The following YAP1 variants were observed in gnomAD, a reference collection of about 807,000 sequenced individuals.
The protein encoded by YAP1 is Yes1 associated transcriptional regulator.
A neutral mutation model predicts 56.9 loss-of-function variants in YAP1; 5 were observed. That is an observed-to-expected ratio of 0.09 (90% CI 0.05 to 0.18). The LOEUF (loss-of-function observed/expected upper bound fraction) is 0.18, where lower values mean the gene tolerates loss of function less well. Ranked by LOEUF, YAP1 falls within the 10% of genes least tolerant of loss-of-function variation. YAP1 has a pLI of 1.00. For missense variants in YAP1, 539 were observed against 651.8 expected (o/e 0.83, Z 1.88); for synonymous variants, 265 against 248.1 (o/e 1.07, Z -0.64).
At chr11:102,112,396 C>G in intron 1 of YAP1, 1 of 970,516 alleles carries the variant, frequency 1.0e-6, no homozygotes, top group Non-Finnish European at 1.2e-6. Context: ...GTAGGGTTCT[C>G]TCTTTTTCTT....
intron 3 of YAP1, among the ~76,000 whole-genome samples, chr11:102,180,091 C>T (rs1231382950): frequency 1.3e-5 from 2 of 148,784 alleles, no homozygotes; most frequent in African/African-American, 5.0e-5. Flanking sequence ...CTCACTGCAA[C>T]CTCCAACTCC....
intron 2 of YAP1, among the ~76,000 whole-genome samples, chr11:102,150,373 C>T (rs1945568192): frequency 6.6e-6 from 1 of 152,178 alleles, no homozygotes; most frequent in Admixed American, 6.5e-5. Flanking sequence ...ATGTTTTGAT[C>T]TTTGGCCAAG....
chr11:102,188,920 AT>A (rs76406964), intron 4 of YAP1, among the ~76,000 whole-genome samples: 3 of 152,052 alleles, frequency 2.0e-5, no homozygotes, highest in African/African-American at 7.2e-5. Context: ...TTTTTTAATG[AT>A]TTTTTTCTTT....
At chr11:102,223,833 A>C (rs1393891376) in intron 7 of YAP1, 81 bp downstream of exon 7, 1 of 1,550,274 alleles carries the variant, frequency 6.5e-7, no homozygotes, top group African/African-American at 1.4e-5. Context: ...GTAATAGGCT[A>C]TTTGGAACAT....
Position 102,229,706 on chromosome 11 carries a change from T to C in YAP1, c.1281T>C (p.Asp427=). ...ATCTCTGTGTGTTTCCACTAGGTGA[T>C]ACTATCAACCAAAGCACCCTGCCCT... ...LNSVDEMDTG[D]TINQSTLPSQ... Residue 427 remains aspartate (D), a synonymous_variant, in exon 9 of 9, where the codon GAT becomes GAC. Coordinates refer to ENST00000282441, the MANE Select transcript of YAP1 (RefSeq NM_001130145.3). The C allele has an allele frequency of 6.2e-7, 1 of 1,613,892 alleles. No homozygotes were observed. The highest frequency in any genetic ancestry group is 8.5e-7 in the Non-Finnish European group (1 of 1,179,820).
intron 7 of YAP1, among the ~76,000 whole-genome samples, chr11:102,226,309 T>C (rs772686648): frequency 5.9e-5 from 9 of 152,232 alleles, no homozygotes; most frequent in Non-Finnish European, 7.3e-5. Flanking sequence ...AAACCAGTGA[T>C]GGCAGTATAT....
intron 4 of YAP1, among the ~76,000 whole-genome samples, chr11:102,204,692 A>G (rs1280204168): frequency 6.6e-6 from 1 of 152,246 alleles, no homozygotes; most frequent in Non-Finnish European, 1.5e-5. Context: ...CCATTAAGTT[A>G]TAAGAGCTGT....
At chr11:102,142,846 T>A (rs1945097979) in intron 2 of YAP1, among the ~76,000 whole-genome samples, 1 of 152,240 alleles carries the variant, frequency 6.6e-6, no homozygotes, top group Admixed American at 6.5e-5. Context: ...CAAACTTTTT[T>A]AGTAATTGAT....
At chr11:102,224,590 A>G (rs772094928) in intron 7 of YAP1, among the ~76,000 whole-genome samples, 6 of 152,206 alleles carry the variant, frequency 3.9e-5, no homozygotes, top group African/African-American at 9.6e-5. Context: ...GTTCTCACCA[A>G]TTGAATTGGA....
At chr11:102,178,644 C>T (rs1219196612) in intron 3 of YAP1, among the ~76,000 whole-genome samples, 1 of 152,096 alleles carries the variant, frequency 6.6e-6, no homozygotes, top group Non-Finnish European at 1.5e-5. Context: ...CATAAAAACT[C>T]GCTTCCCTCA....
intron 4 of YAP1, among the ~76,000 whole-genome samples, chr11:102,188,694 T>G (rs1022884963): frequency 6.6e-6 from 1 of 152,212 alleles, no homozygotes; most frequent in Middle Eastern, 3.2e-3. Context: ...CCTTACAGCC[T>G]AGGCATGTAG....
At chr11:102,165,484 GAC>G (rs537992886) in intron 3 of YAP1, among the ~76,000 whole-genome samples, 4 of 152,114 alleles carry the variant, frequency 2.6e-5, no homozygotes, top group South Asian at 2.1e-4. Context: ...AGGTGACTTT[GAC>G]ACAGTTTCAG....
intron 6 of YAP1, among the ~76,000 whole-genome samples, chr11:102,220,034 A>G (rs965007074): frequency 6.9e-6 from 1 of 144,884 alleles, no homozygotes; most frequent in Non-Finnish European, 1.5e-5. Context: ...ACACCCAGCC[A>G]ATGGCCTCAG....
intron 4 of YAP1, among the ~76,000 whole-genome samples, chr11:102,194,409 G>A (rs1215383442): frequency 1.3e-5 from 2 of 152,142 alleles, no homozygotes; most frequent in Non-Finnish European, 2.9e-5. Context: ...AACTCATTCT[G>A]GACTTGCTTC....
Position 102,230,151 on chromosome 11 carries a change from T to A in YAP1, c.*211T>A. 1 of 458,794 alleles carries A rather than the reference T, an allele frequency of 2.2e-6. No individual in the cohort carries two copies. The highest frequency in any genetic ancestry group is 3.8e-6 in the Non-Finnish European group (1 of 260,798). 28.4% of individuals were successfully genotyped at this position (458,794 alleles called of 1,614,324 possible). A position where few individuals can be genotyped will look rare whatever the true frequency, so the allele number is the denominator to read the frequency against. On this transcript the variant is annotated 3_prime_UTR_variant, in exon 9 of 9. Transcript: ENST00000282441. The stretch of plus-strand genomic sequence containing the variant: ...CTCTTTCACAGTTGGCTCTAAAGAA[T>A]CAAAAGAAAAAAACTTTTTATTTCT...
chr11:102,112,585 C>G (rs1043716653), intron 1 of YAP1: 3 of 985,118 alleles, frequency 3.0e-6, no homozygotes, highest in Non-Finnish European at 3.6e-6. Context: ...CTCCCATTCC[C>G]TCTCCTATTT....
At chr11:102,176,262 G>A (rs1591322849) in intron 3 of YAP1, among the ~76,000 whole-genome samples, 1 of 152,152 alleles carries the variant, frequency 6.6e-6, no homozygotes, top group East Asian at 1.9e-4. Flanking sequence ...ATAGTCTAGG[G>A]CAGAGTGATA....
chr11:102,191,094 A>T (rs1307634706), intron 4 of YAP1, among the ~76,000 whole-genome samples: 1 of 151,840 alleles, frequency 6.6e-6, no homozygotes, highest in African/African-American at 2.4e-5. Flanking sequence ...AATCGCTTGA[A>T]CCTGGGAGGC....
intron 6 of YAP1, among the ~76,000 whole-genome samples, chr11:102,214,387 C>A (rs937094988): frequency 6.6e-6 from 1 of 152,158 alleles, no homozygotes; most frequent in African/African-American, 2.4e-5. Flanking sequence ...TTATACTGCA[C>A]CATTACCTCT....
Sources: gnomAD v4.1 joint callset for allele counts (sites outside exome capture counted in the v4.1 genomes callset) on GRCh38, gnomAD v4.1.1 for gene constraint, MANE v1.5 for transcripts, NCBI Gene and HGNC (gene_info 2026-07-23, HGNC 2026-07-21) for gene names.